The following TRMO variants were observed in gnomAD, a reference collection of about 807,000 sequenced individuals.
TRMO encodes tRNA (adenine(37)-N6)-methyltransferase.
In TRMO, 30 loss-of-function variants were observed where a neutral mutation model predicts 37.2. The ratio of observed to expected loss-of-function variants is 0.81; its 90% CI spans 0.60 to 1.09. TRMO has a LOEUF of 1.09. Among genes scored for constraint, TRMO ranks in the 50% least tolerant of loss-of-function variants. The pLI is 0.00. For missense variants in TRMO, 552 were observed against 549.5 expected (o/e 1.00, Z -0.05); for synonymous variants, 239 against 199.4 (o/e 1.20, Z -1.67).
At chr9:97,898,127 C>G in the TRMO span, among the ~76,000 whole-genome samples, 1 of 152,308 alleles carries the variant, frequency 6.6e-6, no homozygotes, top group South Asian at 2.1e-4. Context: ...CACTGAAAAA[C>G]AGAGAGTATA....
chr9:97,910,565 A>G lies in TRMO; in HGVS notation c.461T>C (p.Leu154Pro), dbSNP rs758536083. The change falls in exon 4 of 5, where the codon CTA becomes CCA. Residue 154 changes from leucine (L) to proline (P), a missense_variant. By Grantham distance (98) the Leu-to-Pro change is moderately conservative. Transcript: ENST00000375119. ...GIDMIHGTPV[L>P]DIKPYIAEYD... is the part of the protein sequence containing the mutation. ...CTCAGCTATGTAGGGCTTGATGTCTAGTACGGGTGTGCCATGTATCATGTC... is the reference window on the plus strand; with the variant it reads ...CTCAGCTATGTAGGGCTTGATGTCTGGTACGGGTGTGCCATGTATCATGTC... 3 of 1,614,140 alleles carry G rather than the reference A, an allele frequency of 1.9e-6. No individual in the cohort carries two copies. The highest frequency in any genetic ancestry group is 8.5e-7 in the Non-Finnish European group (1 of 1,179,958).
chr9:97,909,323 T>TG (rs1826001439), intron 4 of TRMO, among the ~76,000 whole-genome samples: 1 of 152,210 alleles, frequency 6.6e-6, no homozygotes. Context: ...CCTAGGCTAC[T>TG]GCTTGGGATC....
At chr9:97,909,780 C>T (rs1466395307) in intron 4 of TRMO, among the ~76,000 whole-genome samples, 180 bp downstream of exon 4, 1 of 152,208 alleles carries the variant, frequency 6.6e-6, no homozygotes, top group Non-Finnish European at 1.5e-5. Context: ...GTGCTGACCA[C>T]ACAGTTGTCC....
intron 4 of TRMO, among the ~76,000 whole-genome samples, chr9:97,906,277 C>T (rs1189987754): frequency 2.6e-5 from 4 of 152,170 alleles, no homozygotes; most frequent in South Asian, 2.1e-4. Context: ...CCTGTGACGG[C>T]GTTTCTGGGA....
chr9:97,910,102 C>G lies in TRMO; in HGVS notation c.924G>C (p.Met308Ile). Reference sequence around the variant, plus strand: ...CCCTTCCAGCAGGGCAGTGAGGGGCCATGGGCTGTGTCTCTGCCCTGCTTC... The same window carrying G: ...CCCTTCCAGCAGGGCAGTGAGGGGCGATGGGCTGTGTCTCTGCCCTGCTTC... ...LQGSRAETQP[M>I]APHCPAGRAD... The change falls in exon 4 of 5, where the codon ATG becomes ATC. Residue 308 changes from methionine to isoleucine, a missense_variant. Transcript: ENST00000375119. 6.2e-7 allele frequency: 1 copy of G among 1,614,168 alleles called. No homozygotes were observed.
intron 1 of TRMO, among the ~76,000 whole-genome samples, chr9:97,922,016 C>G (rs1222878996): frequency 2.0e-5 from 3 of 152,074 alleles, no homozygotes; most frequent in African/African-American, 4.8e-5. Flanking sequence ...ATTTTCTCCC[C>G]CAGAAACTTT....
intron 1 of TRMO, among the ~76,000 whole-genome samples, chr9:97,916,705 CTTTTT>C (rs555924368): frequency 8.0e-6 from 1 of 124,600 alleles, no homozygotes; most frequent in African/African-American, 2.9e-5. Flanking sequence ...GTATTTCTTT[CTTTTT>C]TTTTTTTTTT....
chr9:97,904,664 T>G lies in TRMO; in HGVS notation c.*69A>C, dbSNP rs1825779326. 42 of 1,586,394 alleles carry G rather than the reference T, an allele frequency of 2.6e-5. No homozygotes were observed. Among genetic ancestry groups the G allele is most frequent in the Non-Finnish European group, 3.6e-5 (42 of 1,166,664 alleles). On this transcript the variant is annotated 3_prime_UTR_variant, in exon 5 of 5. Coordinates refer to ENST00000375119, the MANE Select transcript of TRMO (RefSeq NM_016481.5). ...TGTTGCTTCTCGACACAACATTAGC[T>G]TGTTCAGAAAATCCAAAAGCCACAT... is the stretch of plus-strand genomic sequence containing the variant.
intron 4 of TRMO, among the ~76,000 whole-genome samples, chr9:97,905,761 G>T (rs1825828321): frequency 6.6e-6 from 1 of 152,070 alleles, no homozygotes; most frequent in African/African-American, 2.4e-5. Context: ...TATCCCTCTT[G>T]GAGTGGATTT....
chr9:97,920,638 T>C (rs1826582744), intron 1 of TRMO, among the ~76,000 whole-genome samples: 1 of 152,226 alleles, frequency 6.6e-6, no homozygotes, highest in South Asian at 2.1e-4. Flanking sequence ...AACTGTGTAA[T>C]AAGTAAAAAG....
Position 97,908,706 on chromosome 9 carries a change from T to C in TRMO, c.1066+1254A>G, listed in dbSNP as rs563920635. On this transcript the variant is annotated intron_variant, in intron 4 of 4. Transcript: ENST00000375119. ...GAATATGTTTGGTCTAATAACTTGA[T>C]TGCTTATTATACTTTTAATTTGTCT... is the stretch of plus-strand genomic sequence containing the variant. 2.7e-4 allele frequency among the ~76,000 whole-genome samples: 41 copies of C among 152,310 alleles called. No individual in the cohort carries two copies. In the Middle Eastern group the frequency reaches 0.014, roughly 51 times the overall value.
At position 97,904,691 on chromosome 9, in the gene TRMO, C is replaced by T. The variant is rs768979776; in HGVS notation, c.*42G>A. On this transcript the variant is annotated 3_prime_UTR_variant, in exon 5 of 5. Coordinates refer to ENST00000375119, the MANE Select transcript of TRMO (RefSeq NM_016481.5). ...GTTCAGAAAATCCAAAAGCCACATC[C>T]AAAGATCAATGATGCTACCTTAAAG... 9.0e-5 allele frequency: 144 copies of T among 1,596,202 alleles called. 1 individual carries two copies. Among genetic ancestry groups the T allele is most frequent in the Non-Finnish European group, 1.1e-4 (134 of 1,170,768 alleles).
intron 2 of TRMO, 105 bp downstream of exon 2, chr9:97,916,059 G>A: frequency 1.4e-6 from 1 of 735,580 alleles, no homozygotes; most frequent in South Asian, 2.2e-5. Context: ...AAACAAAGAT[G>A]AGGGTGGTCT....
chr9:97,904,732 C>G lies in TRMO; in HGVS notation c.*1G>C. 1 of 1,613,652 alleles carries G rather than the reference C, an allele frequency of 6.2e-7. No individual in the cohort carries two copies. The highest frequency in any genetic ancestry group is 8.5e-7 in the Non-Finnish European group (1 of 1,180,000). On this transcript the variant is annotated 3_prime_UTR_variant, in exon 5 of 5. Transcript: ENST00000375119. The stretch of plus-strand genomic sequence containing the variant: ...TACCTTAAAGACATGAGGGAGGCTC[C>G]TTAAGACCCTAGAGACACCAAGGAC...
At chr9:97,897,375 A>G in the TRMO span, among the ~76,000 whole-genome samples, 1 of 152,214 alleles carries the variant, frequency 6.6e-6, no homozygotes, top group African/African-American at 2.4e-5. Flanking sequence ...GAGTATGTTC[A>G]GCTTTACCCA....
intron 3 of TRMO, chr9:97,911,082 A>G (rs991458050): frequency 5.7e-6 from 2 of 351,692 alleles, no homozygotes; most frequent in East Asian, 8.4e-5. Flanking sequence ...TGTGGGACCA[A>G]TGAAGGTTCT....
chr9:97,909,024 G>A (rs555373016), intron 4 of TRMO, among the ~76,000 whole-genome samples: 7 of 152,192 alleles, frequency 4.6e-5, no homozygotes, highest in East Asian at 1.9e-4. Flanking sequence ...GCAACATCTC[G>A]GCTCACTGTA....
chr9:97,904,541 CTG>C lies in TRMO; in HGVS notation c.*190_*191del. 2 of 1,396,598 alleles carry C rather than the reference CTG, an allele frequency of 1.4e-6. No homozygotes were observed. The highest frequency in any genetic ancestry group is 1.9e-6 in the Non-Finnish European group (2 of 1,078,792). The allele number at this position is 1,396,598 out of a possible 1,614,324, so 86.5% of individuals were successfully genotyped here. On this transcript the variant is annotated 3_prime_UTR_variant, in exon 5 of 5. Transcript: ENST00000375119. ...GATCAAAAAGCATTTGGTGATTTCT[CTG>C]TATTTTATATCTCTTTGTTAAGTTT...
At position 97,910,466 on chromosome 9, in the gene TRMO, G is replaced by A; in HGVS notation, c.560C>T (p.Thr187Ile). 1 of 1,614,196 alleles carries A rather than the reference G, an allele frequency of 6.2e-7. No homozygotes were observed. Among genetic ancestry groups the A allele is most frequent in the Non-Finnish European group, 8.5e-7 (1 of 1,180,042 alleles). Residue 187 changes from threonine (T) to isoleucine (I), a missense_variant, in exon 4 of 5, where the codon ACT (threonine) becomes ATT (isoleucine). Thr to Ile is a moderately conservative substitution (Grantham distance 89). Transcript: ENST00000375119. ...NLQNNQHTPN[T>I]VSQSDSKTDS... ...AGTCTTGCTGTCAGACTGGGACACA[G>A]TGTTTGGTGTATGTTGGTTATTCTG...
Sources: gnomAD v4.1 joint callset for allele counts (sites outside exome capture counted in the v4.1 genomes callset) on GRCh38, gnomAD v4.1.1 for gene constraint, MANE v1.5 for transcripts, NCBI Gene and HGNC (gene_info 2026-07-23, HGNC 2026-07-21) for gene names.